The following ANK1 variants were observed in gnomAD, a reference collection of about 807,000 sequenced individuals.
ANK1 encodes ankyrin 1, also known as ankyrin-1.
In ANK1, 51 loss-of-function variants were observed where a neutral mutation model predicts 210.4. The ratio of observed to expected loss-of-function variants is 0.24; its 90% CI spans 0.19 to 0.31. The LOEUF is 0.31. Ranked by LOEUF, ANK1 falls within the 10% of genes least tolerant of loss-of-function variation. The pLI is 1.00. For missense variants in ANK1, 2,051 were observed against 2,504.4 expected (o/e 0.82, Z 3.86); for synonymous variants, 967 against 1,025.9 (o/e 0.94, Z 1.10).
At chr8:41,685,451 C>A (rs1469020716) in intron 36 of ANK1, among the ~76,000 whole-genome samples, 3 of 152,170 alleles carry the variant, frequency 2.0e-5, no homozygotes, top group Non-Finnish European at 4.4e-5. Context: ...GAGAATGAGG[C>A]AAAGCTCCCT....
chr8:41,776,871 G>A (rs1243597660), intron 1 of ANK1, among the ~76,000 whole-genome samples: 1 of 152,208 alleles, frequency 6.6e-6, no homozygotes, highest in Non-Finnish European at 1.5e-5. Context: ...AAACACCTTG[G>A]CGTCAGCCCT....
chr8:41,775,585 T>TA (rs1420751982), intron 1 of ANK1, among the ~76,000 whole-genome samples: 1 of 152,132 alleles, frequency 6.6e-6, no homozygotes, highest in African/African-American at 2.4e-5. Flanking sequence ...ATAATAATAA[T>TA]AAAGCTACAG....
Position 41,694,233 on chromosome 8 carries a change from C to A in ANK1, c.3328-131G>T. ...CCGCCCTGCTGTTGGACCACAGAAC[C>A]GACACGGTGGAGCTTGCCTTCCTGA... On this transcript the variant is annotated intron_variant, in intron 28 of 42. Transcript: ENST00000289734. This position sits in a 1 kb window ranked among gnomAD's most constrained non-coding sequence, Gnocchi z 5.7. 2 of 991,456 alleles carry A rather than the reference C, an allele frequency of 2.0e-6. No homozygotes were observed. The highest frequency in any genetic ancestry group is 3.0e-6 in the Non-Finnish European group (2 of 673,590). 61.4% of individuals were successfully genotyped at this position (991,456 alleles called of 1,614,324 possible).
chr8:41,816,199 C>T (rs145556452), intron 1 of ANK1, among the ~76,000 whole-genome samples: 14 of 152,278 alleles, frequency 9.2e-5, no homozygotes, highest in South Asian at 6.2e-4. Flanking sequence ...TTTCATAGCA[C>T]CTGCATGTTA....
At chr8:41,828,827 G>A (rs890526274) in intron 1 of ANK1, 16 of 152,276 alleles carry the variant, frequency 1.1e-4, no homozygotes, top group African/African-American at 3.6e-4. Flanking sequence ...TGGGGAGAGA[G>A]TTGGGCCTGG....
chr8:41,686,309 T>A, intron 35 of ANK1, 26 bp from the exon 36 acceptor site: 1 of 1,612,636 alleles, frequency 6.2e-7, no homozygotes, highest in South Asian at 1.1e-5. Context: ...CAACAGCAGA[T>A]GTGAGCCTCC....
At chr8:41,708,175 T>G (rs757190340) in intron 17 of ANK1, among the ~76,000 whole-genome samples, 8 of 152,218 alleles carry the variant, frequency 5.3e-5, no homozygotes, top group Admixed American at 6.5e-5. Flanking sequence ...GAATTATATT[T>G]CGATAAAACT....
intron 37 of ANK1, among the ~76,000 whole-genome samples, chr8:41,675,026 G>T (rs948305837): frequency 3.9e-5 from 6 of 152,204 alleles, no homozygotes; most frequent in African/African-American, 1.4e-4. Flanking sequence ...ACATTTTGGG[G>T]TCAACTGATG....
At chr8:41,727,858 A>G (rs1267056439) in intron 4 of ANK1, 50 bp downstream of exon 4, 2 of 1,582,606 alleles carry the variant, frequency 1.3e-6, no homozygotes, top group Admixed American at 3.3e-5. Flanking sequence ...GCAAAGAGGA[A>G]CCACCTGTGG....
At chr8:41,843,542 G>A (rs768005505) in intron 1 of ANK1, among the ~76,000 whole-genome samples, 4 of 152,176 alleles carry the variant, frequency 2.6e-5, no homozygotes, top group Non-Finnish European at 4.4e-5. Context: ...GGTGCAGACA[G>A]GGCAGCTGGG....
chr8:41,826,936 C>T (rs558315016), intron 1 of ANK1, among the ~76,000 whole-genome samples: 8 of 152,290 alleles, frequency 5.3e-5, no homozygotes, highest in African/African-American at 1.7e-4. Flanking sequence ...AAAGCCTTGC[C>T]TAATAATTCT....
At chr8:41,706,365 G>A in intron 17 of ANK1, 124 bp from the exon 18 acceptor site, 1 of 867,092 alleles carries the variant, frequency 1.2e-6, no homozygotes, top group South Asian at 1.4e-5. Context: ...TTGGCTCCAG[G>A]CAAAGCTCTT....
rs1367339634 is a variant in ANK1 at position 41,723,107 on chromosome 8, CAGGA to C, written c.909+14_909+17del. 1 of 1,613,444 alleles carries C rather than the reference CAGGA, an allele frequency of 6.2e-7. No individual in the cohort carries two copies. The highest frequency in any genetic ancestry group is 2.2e-5 in the East Asian group (1 of 44,876). On this transcript the variant is annotated intron_variant, in intron 9 of 42. Transcript: ENST00000289734. ...AGCCCTGTCTAGAAAATGCGCCTGA[CAGGA>C]AGGAAGTACACACCTTGGTTTTGGC... is the stretch of plus-strand genomic sequence containing the variant.
chr8:41,853,310 T>G (rs1215048051), intron 1 of ANK1, among the ~76,000 whole-genome samples: 1 of 152,256 alleles, frequency 6.6e-6, no homozygotes, highest in Non-Finnish European at 1.5e-5. Flanking sequence ...CTGGCAACTT[T>G]GCTTACGATG....
At chr8:41,732,050 G>T (rs962968980) in intron 3 of ANK1, among the ~76,000 whole-genome samples, 4 of 152,240 alleles carry the variant, frequency 2.6e-5, no homozygotes, top group African/African-American at 9.6e-5. Flanking sequence ...TTACCCATAA[G>T]TGCAATAAGA....
chr8:41,823,070 G>C (rs1050764247), intron 1 of ANK1, among the ~76,000 whole-genome samples: 1 of 152,208 alleles, frequency 6.6e-6, no homozygotes, highest in South Asian at 2.1e-4. Context: ...TATGGGCAGA[G>C]GAGGTGCCCA....
intron 37 of ANK1, among the ~76,000 whole-genome samples, chr8:41,682,904 G>T (rs1036006612): frequency 4.6e-5 from 7 of 152,142 alleles, no homozygotes; most frequent in Admixed American, 2.0e-4. Context: ...TCCCTCAACC[G>T]CCCTCAGCCC....
intron 2 of ANK1, among the ~76,000 whole-genome samples, chr8:41,741,579 GAA>G (rs11380785): frequency 5.0e-5 from 7 of 141,252 alleles, no homozygotes; most frequent in Admixed American, 7.1e-5. Context: ...GACCTTACCT[GAA>G]AAAAAAAAAA....
chr8:41,827,995 C>A (rs1418062399), intron 1 of ANK1, among the ~76,000 whole-genome samples: 1 of 151,812 alleles, frequency 6.6e-6, no homozygotes. Context: ...CACACACACC[C>A]TTGCCCAAGC....
Sources: allele counts gnomAD v4.1 joint callset (sites outside exome capture counted in the v4.1 genomes callset), GRCh38; gene constraint gnomAD v4.1.1; non-coding constraint Gnocchi (gnomAD v3.1); transcripts MANE v1.5; gene names NCBI Gene and HGNC (gene_info 2026-07-23, HGNC 2026-07-21).